Variants in MACF1 observed in about 807,000 individuals in gnomAD.
MACF1 encodes the protein microtubule actin crosslinking factor 1.
MACF1 carries 193 observed loss-of-function variants against 854.8 expected under a neutral mutation model. That is an observed-to-expected ratio of 0.23 (90% CI 0.20 to 0.25). The LOEUF (loss-of-function observed/expected upper bound fraction) is 0.25, where lower values mean the gene tolerates loss of function less well. Ranked by LOEUF, MACF1 falls within the 10% of genes least tolerant of loss-of-function variation. The probability of loss-of-function intolerance (pLI) is 1.00; values close to 1 mark genes in which losing one functional copy is unlikely to be tolerated. For missense variants in MACF1, 7,722 were observed against 8,929.1 expected (o/e 0.86, Z 5.45); for synonymous variants, 3,185 against 3,226.7 (o/e 0.99, Z 0.44).
At chr1:39,484,808 C>G in intron 100 of MACF1, 78 bp downstream of exon 100, 1 of 1,557,568 alleles carries the variant, frequency 6.4e-7, no homozygotes, top group Non-Finnish European at 8.9e-7. Context: ...TTCACTGCTC[C>G]CAAGGAGCGG....
intron 54 of MACF1, among the ~76,000 whole-genome samples, chr1:39,379,927 C>T (rs918624371): frequency 6.6e-6 from 1 of 152,136 alleles, no homozygotes; most frequent in Non-Finnish European, 1.5e-5. Flanking sequence ...TCCCATTGAG[C>T]GTAGCATCTC....
chr1:39,360,008 AAAAAATATATAT>A (rs1647968880), intron 47 of MACF1, among the ~76,000 whole-genome samples: 2 of 51,568 alleles, frequency 3.9e-5, no homozygotes, highest in African/African-American at 9.1e-5. Flanking sequence ...AAAAAAAAAA[AAAAAATATATAT>A]ATATATATAT....
At chr1:39,369,706 G>A (rs1036270238) in intron 50 of MACF1, among the ~76,000 whole-genome samples, 10 of 152,214 alleles carry the variant, frequency 6.6e-5, no homozygotes, top group African/African-American at 2.2e-4. Context: ...GGCCGGAATT[G>A]AGATCCAAAG....
At chr1:39,247,921 C>T (rs952681489) in intron 2 of MACF1, among the ~76,000 whole-genome samples, 1 of 152,176 alleles carries the variant, frequency 6.6e-6, no homozygotes, top group Non-Finnish European at 1.5e-5. Context: ...ACTCGGGAGG[C>T]TGAGGCAGGA....
Position 39,359,414 on chromosome 1 carries a change from G to A in MACF1, c.12244+150G>A, listed in dbSNP as rs1171942612. The A allele has an allele frequency of 3.2e-6, 3 of 940,738 alleles. No individual in the cohort carries two copies. The East Asian group carries it at 7.9e-5, about 25-fold the overall frequency. 58.3% of individuals were successfully genotyped at this position (940,738 alleles called of 1,614,324 possible). A position where few individuals can be genotyped will look rare whatever the true frequency, so the allele number is the denominator to read the frequency against. On this transcript the variant is annotated intron_variant, in intron 47 of 100. Coordinates refer to ENST00000564288, the MANE Select transcript of MACF1 (RefSeq NM_001394062.1). ...TGAATAGACATAGATTGTCATCAAA[G>A]AGCTTATCCTCTAATGAACTTTATT...
At position 39,285,500 on chromosome 1, in the gene MACF1, C is replaced by T. The variant is rs866944351; in HGVS notation, c.1354-104C>T. On this transcript the variant is annotated intron_variant, in intron 13 of 100. Coordinates refer to ENST00000564288, the MANE Select transcript of MACF1 (RefSeq NM_001394062.1). ...CGAGGAATCCAGATGTATTATTTCC[C>T]TTTTTTTTTTTTTTTGGAATTGCAG... 4.6e-5 allele frequency: 61 copies of T among 1,317,910 alleles called. No homozygotes were observed. In the Middle Eastern group the frequency reaches 1.6e-3, roughly 34 times the overall value. The allele number at this position is 1,317,910 out of a possible 1,614,324, so 81.6% of individuals were successfully genotyped here.
rs1649103415 is a variant in MACF1, at chr1:39,370,179, A to T, written c.13088A>T (p.His4363Leu). 1 of 1,610,118 alleles carries T rather than the reference A, an allele frequency of 6.2e-7. No homozygotes were observed. Among genetic ancestry groups the T allele is most frequent in the East Asian group, 2.2e-5 (1 of 44,742 alleles). ...AAAGAGTTAGAAAAGCAGATTGAAC[A>T]CCTGAAGGTAGGTGAACAAAGGGAC... ...SAKELEKQIE[H>L]LKSLLDDWAS... Residue 4363 changes from histidine to leucine, a missense_variant, in exon 51 of 101, where the codon CAC becomes CTC. This residue lies in a region of MACF1 where 2,807 missense variants were observed against 3,235.8 expected (regional missense o/e 0.87). Coordinates refer to ENST00000564288, the MANE Select transcript of MACF1 (RefSeq NM_001394062.1).
chr1:39,280,490 GC>G (rs138402688), intron 6 of MACF1, among the ~76,000 whole-genome samples: 2,484 of 152,236 alleles, frequency 0.016, 75 homozygotes, highest in African/African-American at 0.057. Flanking sequence ...TGTGGTGCCA[GC>G]CCCCCTCAGG....
chr1:39,190,401 G>GTTTTTTT (rs71057198), intron 2 of MACF1, among the ~76,000 whole-genome samples: 20 of 105,976 alleles, frequency 1.9e-4, no homozygotes, highest in South Asian at 3.2e-4. Flanking sequence ...GTTTGTTTTT[G>GTTTTTTT]TTTTTTTTTT....
intron 4 of MACF1, among the ~76,000 whole-genome samples, chr1:39,252,364 G>A (rs552369691): frequency 1.3e-5 from 2 of 152,096 alleles, no homozygotes; most frequent in Middle Eastern, 3.4e-3. Context: ...TGGCCTCTAG[G>A]TTATCATCAT....
intron 36 of MACF1, chr1:39,328,603 G>A (rs1646659895): frequency 6.6e-6 from 1 of 152,154 alleles, no homozygotes; most frequent in African/African-American, 2.4e-5. Context: ...ACAAACAGTC[G>A]CATGCTGGAC....
rs1447967845 is a variant in MACF1, at chr1:39,231,104, A to G, written c.110-78A>G. ...GGTAAGTTGTTCTAGAGAAACAGAG[A>G]TGTGGGCAGGGCAGCAGCGTGGGAA... On this transcript the variant is annotated intron_variant, in intron 1 of 100. Transcript: ENST00000564288. 10 of 1,037,330 alleles carry G rather than the reference A, an allele frequency of 9.6e-6. No individual in the cohort carries two copies. In the East Asian group the frequency reaches 1.9e-4, roughly 20 times the overall value. 64.3% of individuals were successfully genotyped at this position (1,037,330 alleles called of 1,614,324 possible).
intron 2 of MACF1, chr1:39,102,797 G>C: frequency 1.4e-6 from 1 of 702,584 alleles, no homozygotes; most frequent in Non-Finnish European, 2.6e-6. Flanking sequence ...GAAAATCAAA[G>C]ACCAAAAGGA....
intron 20 of MACF1, 25 bp from the exon 21 acceptor site, chr1:39,297,595 G>C: frequency 6.2e-7 from 1 of 1,613,740 alleles, no homozygotes; most frequent in Non-Finnish European, 8.5e-7. Flanking sequence ...TGAGCAGAAG[G>C]CATCCTTACT....
chr1:39,325,840 C>T (rs187556671), intron 35 of MACF1, among the ~76,000 whole-genome samples: 6 of 152,126 alleles, frequency 3.9e-5, no homozygotes, highest in East Asian at 1.9e-4. Flanking sequence ...AGGATGGTGC[C>T]GAGGAGAAAG....
chr1:39,448,281 A>C (rs1418397970), intron 83 of MACF1, 129 bp downstream of exon 83: 7 of 1,079,524 alleles, frequency 6.5e-6, no homozygotes, highest in Non-Finnish European at 9.4e-6. Flanking sequence ...AAAATGATGA[A>C]GCCAGGGTTC....
intron 97 of MACF1, among the ~76,000 whole-genome samples, chr1:39,477,135 T>TGTATATATATATATATACAC: frequency 9.7e-6 from 1 of 103,370 alleles, no homozygotes; most frequent in Non-Finnish European, 1.9e-5. Flanking sequence ...TATATATATA[T>TGTATATATATATATATACAC]ACACACACAC....
At position 39,332,016 on chromosome 1, in the gene MACF1, A is replaced by C; in HGVS notation, c.5428A>C (p.Thr1810Pro). ...ACAILIRQLQTGGIIDTVTGQ... is the reference protein window; with the variant it reads ...ACAILIRQLQPGGIIDTVTGQ... The stretch of plus-strand genomic sequence containing the variant: ...TGCTATCCTCATAAGGCAGCTTCAG[A>C]CAGGAGGCATCATAGACACTGTCAC... The change falls in exon 37 of 101, where the codon ACA becomes CCA. Residue 1810 changes from threonine to proline, a missense_variant. Transcript: ENST00000564288. 6.2e-7 allele frequency: 1 copy of C among 1,614,110 alleles called. No individual in the cohort carries two copies. Among genetic ancestry groups the C allele is most frequent in the Non-Finnish European group, 8.5e-7 (1 of 1,180,008 alleles).
At chr1:39,360,766 C>G in intron 47 of MACF1, 27 bp from the exon 48 acceptor site, 560 of 1,428,662 alleles carry the variant, frequency 3.9e-4, no homozygotes, top group Non-Finnish European at 4.9e-4. Flanking sequence ...TGTCTCCACT[C>G]TTTCTTTTCA....
Sources: gnomAD v4.1 joint callset for allele counts (sites outside exome capture counted in the v4.1 genomes callset) on GRCh38, gnomAD v4.1.1 for gene constraint, gnomAD v4.1.1 regional missense constraint, MANE v1.5 for transcripts, NCBI Gene and HGNC (gene_info 2026-07-23, HGNC 2026-07-21) for gene names.